Variants in AASS observed in about 807,000 individuals in gnomAD.
The protein encoded by AASS is aminoadipate-semialdehyde synthase, also known as alpha-aminoadipic semialdehyde synthase, mitochondrial.
AASS carries 86 observed loss-of-function variants against 105.4 expected under a neutral mutation model. That is an observed-to-expected ratio of 0.82 (90% CI 0.69 to 0.98). AASS has a LOEUF of 0.98. AASS is among the 50% of genes least tolerant of loss of function. The probability of loss-of-function intolerance (pLI) is 0.00; values close to 1 mark genes in which losing one functional copy is unlikely to be tolerated. For synonymous variants in AASS, 381 were observed against 394.8 expected (o/e 0.96, Z 0.41); for missense variants, 1,048 against 1,143.2 (o/e 0.92, Z 1.20).
intron 4 of AASS, among the ~76,000 whole-genome samples, chr7:122,124,157 T>C (rs184091432): frequency 6.6e-6 from 1 of 152,356 alleles, no homozygotes; most frequent in East Asian, 1.9e-4. Flanking sequence ...ACTTGTACTG[T>C]CCTCTCCTAC....
chr7:122,073,856 T>C lies in AASS; in HGVS notation c.*2633A>G, dbSNP rs996785280. On this transcript the variant is annotated 3_prime_UTR_variant, in exon 24 of 24. Transcript: ENST00000417368. ...ATATGTGGCCTTTCATGTCTGGCAT[T>C]CTTCACTTGATATGTTTTCAAGGTT... is the stretch of plus-strand genomic sequence containing the variant. Among the ~76,000 whole-genome samples, 3 of 152,204 alleles carry C rather than the reference T, an allele frequency of 2.0e-5. No homozygotes were observed. The highest frequency in any genetic ancestry group is 7.2e-5 in the African/African-American group (3 of 41,442).
chr7:122,085,613 G>T (rs1201674908), intron 19 of AASS, among the ~76,000 whole-genome samples: 1 of 151,982 alleles, frequency 6.6e-6, no homozygotes, highest in African/African-American at 2.4e-5. Flanking sequence ...CGTATTTTTG[G>T]CTATTAGAAC....
At chr7:122,133,372 G>T in intron 2 of AASS, 145 bp downstream of exon 2, 1 of 933,510 alleles carries the variant, frequency 1.1e-6, no homozygotes, top group Non-Finnish European at 1.7e-6. Context: ...CTCAGCTGGA[G>T]TAAGCATAGG....
Position 122,129,497 on chromosome 7 carries a change from G to C in AASS, c.251C>G (p.Ser84Cys). The C allele has an allele frequency of 6.2e-7, 1 of 1,613,460 alleles. No homozygotes were observed. Among genetic ancestry groups the C allele is most frequent in the Non-Finnish European group, 8.5e-7 (1 of 1,179,690 alleles). ...KAGGILQEDI[S>C]EACLILGVKR... ...AACTCCTAAAATTAGACAAGCTTCA[G>C]AAATATCCTCCTGAAGAATGCCACC... is the stretch of plus-strand genomic sequence containing the variant. The change falls in exon 3 of 24, where the codon TCT (serine) becomes TGT (cysteine). Residue 84 changes from serine (S) to cysteine (C), a missense_variant. By Grantham distance (112) the Ser-to-Cys change is moderately radical. Coordinates refer to ENST00000417368, the MANE Select transcript of AASS (RefSeq NM_005763.4).
At chr7:122,137,649 C>T (rs1376002594) in intron 1 of AASS, among the ~76,000 whole-genome samples, 1 of 152,180 alleles carries the variant, frequency 6.6e-6, no homozygotes, top group East Asian at 1.9e-4. Context: ...TCAAGATCCA[C>T]AGTTCATTTG....
chr7:122,090,851 G>A (rs1466509200), intron 18 of AASS, among the ~76,000 whole-genome samples: 1 of 152,016 alleles, frequency 6.6e-6, no homozygotes, highest in Non-Finnish European at 1.5e-5. Context: ...TACCATGAGT[G>A]CTAACATCCC....
intron 15 of AASS, among the ~76,000 whole-genome samples, chr7:122,093,807 C>T (rs1340551148): frequency 6.6e-6 from 1 of 151,700 alleles, no homozygotes; most frequent in Non-Finnish European, 1.5e-5. Context: ...GAGACCCTGT[C>T]TCAATAAAAC....
In AASS at chr7:122,116,771, A is replaced by C. The variant is rs748945428; in HGVS notation, c.767-11T>G. The C allele has an allele frequency of 6.2e-7, 1 of 1,613,898 alleles. No individual in the cohort carries two copies. The highest frequency in any genetic ancestry group is 1.1e-5 in the South Asian group (1 of 91,082). ...ACACTTTTCTGAGGTCTTGAAAAGG[A>C]GAAAGAAATTAGTAAAGTGGGTGAC... On this transcript the variant is annotated splice_polypyrimidine_tract_variant and intron_variant, in intron 7 of 23. Transcript: ENST00000417368.
At chr7:122,110,587 T>C (rs1055523508) in intron 11 of AASS, among the ~76,000 whole-genome samples, 1 of 152,020 alleles carries the variant, frequency 6.6e-6, no homozygotes, top group Non-Finnish European at 1.5e-5. Context: ...AAAATGTTCC[T>C]GAGACCAAAA....
intron 15 of AASS, among the ~76,000 whole-genome samples, chr7:122,096,041 G>A (rs1373051644): frequency 1.3e-5 from 2 of 152,028 alleles, no homozygotes; most frequent in Non-Finnish European, 2.9e-5. Flanking sequence ...TCTCGAATAT[G>A]ATACAGTAAG....
intron 2 of AASS, 24 bp from the exon 3 acceptor site, chr7:122,129,561 G>C (rs747409612): frequency 6.5e-5 from 105 of 1,607,738 alleles, no homozygotes; most frequent in Non-Finnish European, 8.6e-5. Context: ...TATGATTAAA[G>C]GTTATTATCC....
chr7:122,124,662 C>A (rs923344942), intron 4 of AASS, among the ~76,000 whole-genome samples: 2 of 152,130 alleles, frequency 1.3e-5, no homozygotes, highest in Non-Finnish European at 2.9e-5. Context: ...AGAACATGAA[C>A]CACATCCTAT....
intron 4 of AASS, among the ~76,000 whole-genome samples, chr7:122,122,236 G>A (rs189562233): frequency 1.4e-3 from 213 of 152,036 alleles, no homozygotes; most frequent in Non-Finnish European, 2.2e-3. Flanking sequence ...GGAATGTTCC[G>A]GTCATGATTT....
Position 122,098,463 on chromosome 7 carries a change from C to T in AASS, c.1642G>A (p.Asp548Asn). The part of the protein sequence containing the change: ...EKLGFLVAKQ[D>N]LVISLLPYVL... ...CCAGATACTGACCTGATGACAAGAT[C>T]CTGTTTTGCCACCAAGAAGCCCAGC... The change falls in exon 15 of 24, where the codon GAT becomes AAT. Residue 548 changes from aspartate (D) to asparagine (N), a missense_variant. Physicochemically the swap from Asp to Asn is conservative, Grantham distance 23 (BLOSUM62 1). Coordinates refer to ENST00000417368, the MANE Select transcript of AASS (RefSeq NM_005763.4). The T allele has an allele frequency of 6.2e-7, 1 of 1,611,972 alleles. No homozygotes were observed. The highest frequency in any genetic ancestry group is 1.3e-5 in the African/African-American group (1 of 74,836).
intron 11 of AASS, among the ~76,000 whole-genome samples, chr7:122,109,363 C>T (rs1339602230): frequency 3.3e-5 from 5 of 151,204 alleles, no homozygotes; most frequent in East Asian, 1.9e-4. Flanking sequence ...GCAAAAAGAA[C>T]GAAGCTGGAG....
intron 6 of AASS, among the ~76,000 whole-genome samples, chr7:122,117,514 A>C (rs917117525): frequency 3.3e-5 from 5 of 152,170 alleles, no homozygotes; most frequent in African/African-American, 1.2e-4. Context: ...AAGTAGTCTT[A>C]AAAAATGGTT....
intron 4 of AASS, among the ~76,000 whole-genome samples, chr7:122,124,317 C>G (rs1795559756): frequency 6.6e-6 from 1 of 152,140 alleles, no homozygotes; most frequent in African/African-American, 2.4e-5. Flanking sequence ...GAGTCTTATT[C>G]TGTCTCCCAG....
intron 1 of AASS, among the ~76,000 whole-genome samples, chr7:122,141,494 A>T (rs999490815): frequency 4.6e-5 from 7 of 152,114 alleles, no homozygotes; most frequent in Non-Finnish European, 2.9e-5. Context: ...CTGTATTCCC[A>T]ATGACTGGCA....
chr7:122,121,081 C>T (rs1278866759), intron 4 of AASS, among the ~76,000 whole-genome samples: 1 of 151,490 alleles, frequency 6.6e-6, no homozygotes, highest in East Asian at 1.9e-4. Context: ...TTTTAATGCC[C>T]TTTTTCTTGT....
Sources: allele counts gnomAD v4.1 joint callset (sites outside exome capture counted in the v4.1 genomes callset), GRCh38; gene constraint gnomAD v4.1.1; transcripts MANE v1.5; gene names NCBI Gene and HGNC (gene_info 2026-07-23, HGNC 2026-07-21).